RTL9: variants seen among roughly 807,000 people sequenced by gnomAD.
RTL9 encodes the protein retrotransposon Gag like 9, also known as retrotransposon Gag-like protein 9.
RTL9 carries 19 observed loss-of-function variants against 44.7 expected under a neutral mutation model. The observed-to-expected ratio is 0.42, with a 90% CI of 0.30 to 0.62. RTL9 has a LOEUF of 0.62. RTL9 is among the 20% of genes least tolerant of loss of function. The pLI, the probability that RTL9 is intolerant of heterozygous loss-of-function variation, is 0.16. For synonymous variants in RTL9, 407 were observed against 398.9 expected, an observed-to-expected ratio of 1.02 and a Z score of -0.24; for missense variants, 1,105 against 1,080.6, an observed-to-expected ratio of 1.02 and a Z score of -0.32.
rs751310287 is a variant in RTL9 at position 110,451,616 on chromosome X, G to A, written c.999G>A (p.Met333Ile). The change falls in exon 1 of 2, where the codon ATG (methionine) becomes ATA (isoleucine). Residue 333 changes from methionine to isoleucine, a missense_variant. By Grantham distance (10) the Met-to-Ile change is conservative (BLOSUM62 1). Coordinates refer to ENST00000540313, the Ensembl canonical transcript of RTL9. ...TGTCAGTCCCAGATGCTGGAGAAAT[G>A]TCCACATTACCAAAGCCAGCTCCAG... is the stretch of plus-strand genomic sequence containing the variant. The A allele has an allele frequency of 3.9e-5, 47 of 1,209,945 alleles. No homozygotes were observed. Among genetic ancestry groups the A allele is most frequent in the Non-Finnish European group, 4.6e-5 (41 of 895,210 alleles).
exon 1 of RTL9, chrX:110,451,969 C>A (rs1174192630): frequency 1.7e-6 from 2 of 1,210,304 alleles, no homozygotes; most frequent in Non-Finnish European, 2.2e-6. Context: ...GGAGTGATGT[C>A]CACAGAGCAA....
At chrX:110,378,669 C>A (rs2068396300) in intron 1 of RTL9, among the ~76,000 whole-genome samples, 1 of 111,991 alleles carries the variant, frequency 8.9e-6, no homozygotes, top group African/African-American at 3.3e-5. Context: ...TTTCTTTCAC[C>A]TGGAATTAAC....
At chrX:110,413,920 C>T (rs181313305) in intron 1 of RTL9, among the ~76,000 whole-genome samples, 5 of 111,933 alleles carry the variant, frequency 4.5e-5, no homozygotes, top group African/African-American at 1.6e-4. Context: ...GTTATCCTCA[C>T]AATAACTTTA....
chrX:110,372,823 A>T (rs1415934414), intron 1 of RTL9, among the ~76,000 whole-genome samples: 2 of 111,449 alleles, frequency 1.8e-5, no homozygotes, highest in East Asian at 5.6e-4. Context: ...ACATTTCACC[A>T]CTCACAGGAA....
At chrX:110,413,829 T>A (rs1321115107) in intron 1 of RTL9, among the ~76,000 whole-genome samples, 1 of 111,601 alleles carries the variant, frequency 9.0e-6, no homozygotes, top group Non-Finnish European at 1.9e-5. Context: ...AACATGATGA[T>A]GATGATGATA....
At chrX:110,391,231 G>T (rs1390575429) in intron 1 of RTL9, among the ~76,000 whole-genome samples, 1 of 111,320 alleles carries the variant, frequency 9.0e-6, no homozygotes, top group Non-Finnish European at 1.9e-5. Flanking sequence ...CTGAGGCTGT[G>T]AATGTCCACC....
intron 1 of RTL9, among the ~76,000 whole-genome samples, chrX:110,440,600 G>A (rs963134935): frequency 1.8e-5 from 2 of 111,999 alleles, no homozygotes; most frequent in African/African-American, 6.5e-5. Context: ...TAAGGATGCT[G>A]TTTTCATGCC....
chrX:110,446,570 G>A (rs887638220), upstream of RTL9, among the ~76,000 whole-genome samples: 4 of 111,177 alleles, frequency 3.6e-5, no homozygotes, highest in Non-Finnish European at 5.7e-5. Context: ...ATAGACCAAT[G>A]AGAAAATACA....
intron 1 of RTL9, among the ~76,000 whole-genome samples, chrX:110,399,246 C>G (rs2068548539): frequency 8.9e-6 from 1 of 112,620 alleles, no homozygotes; most frequent in Non-Finnish European, 1.9e-5. Context: ...AACAACCCTT[C>G]AAGGTAGGCA....
At chrX:110,402,043 G>A (rs1381129542) in intron 1 of RTL9, among the ~76,000 whole-genome samples, 2 of 111,603 alleles carry the variant, frequency 1.8e-5, no homozygotes, top group Non-Finnish European at 3.8e-5. Context: ...CCACCAGTAC[G>A]CTCAACCTTT....
chrX:110,452,611 G>C (rs1454469169), exon 1 of RTL9: 1 of 1,209,399 alleles, frequency 8.3e-7, no homozygotes, highest in Admixed American at 2.2e-5. Flanking sequence ...GCCTCTGGAG[G>C]GTTGTCTGCA....
chrX:110,454,760 A>G (rs1259522874), intron 1 of RTL9, 96 bp downstream of exon 3: 2 of 767,200 alleles, frequency 2.6e-6, no homozygotes, highest in East Asian at 3.5e-5. Context: ...AATTGGGAAG[A>G]GGCAAGGGGG....
In RTL9 at chrX:110,403,089, C is replaced by A. The variant is rs1005387368; in HGVS notation, c.-167-42064C>A. Among the ~76,000 whole-genome samples, 70 of 111,179 alleles carry A rather than the reference C, an allele frequency of 6.3e-4. 1 individual carries two copies. Among genetic ancestry groups the A allele is most frequent in the African/African-American group, 2.3e-3 (70 of 30,434 alleles). On this transcript the variant is annotated intron_variant, in intron 1 of 2. Transcript: ENST00000520821. ...TTTATCACTTGCTAGGCAGGCCCTGCCATCCTTGGGAGTAGGTATGAGAGA... is the reference window on the plus strand; with the variant it reads ...TTTATCACTTGCTAGGCAGGCCCTGACATCCTTGGGAGTAGGTATGAGAGA...
exon 1 of RTL9, chrX:110,451,511 C>G (rs1177841523): frequency 8.3e-7 from 1 of 1,212,033 alleles, no homozygotes; most frequent in African/African-American, 1.7e-5. Context: ...CTACCCCGCT[C>G]ATGTCAGATC....
At chrX:110,392,311 C>CT (rs2068500176) in intron 1 of RTL9, among the ~76,000 whole-genome samples, 2 of 96,745 alleles carry the variant, frequency 2.1e-5, no homozygotes, top group African/African-American at 7.8e-5. Context: ...AGGTCTCACT[C>CT]TATCACCCAG....
chrX:110,416,499 CG>C (rs1569425343), upstream of RTL9, among the ~76,000 whole-genome samples: 1 of 110,591 alleles, frequency 9.0e-6, no homozygotes, highest in Non-Finnish European at 1.9e-5. Context: ...ATCACTTGCC[CG>C]GGGTCACTCA....
chrX:110,411,753 A>G lies in RTL9; in HGVS notation c.-167-33400A>G, dbSNP rs150133752. On this transcript the variant is annotated intron_variant, in intron 1 of 2. Coordinates refer to the RTL9 transcript ENST00000520821. ...CCACCAGCTCCAGTGTAAGAAGTGCATTATTTTCTTTACAGCACTTACCAT... is the reference window on the plus strand; with the variant it reads ...CCACCAGCTCCAGTGTAAGAAGTGCGTTATTTTCTTTACAGCACTTACCAT... Among the ~76,000 whole-genome samples the G allele has an allele frequency of 1.2e-3, 133 of 112,548 alleles. 2 individuals are homozygous for G. In the East Asian group the frequency reaches 0.034, roughly 29 times the overall value.
chrX:110,402,837 G>C (rs1191279795), intron 1 of RTL9, among the ~76,000 whole-genome samples: 1 of 112,135 alleles, frequency 8.9e-6, no homozygotes. Context: ...CCTGAAAGGG[G>C]GGTGTCTCCT....
At chrX:110,383,898 A>T (rs1299224905) in intron 1 of RTL9, among the ~76,000 whole-genome samples, 2 of 112,055 alleles carry the variant, frequency 1.8e-5, no homozygotes, top group African/African-American at 3.2e-5. Context: ...TTACTCTGCC[A>T]CTTATAAGCT....
Sources: gnomAD v4.1 joint callset for allele counts (sites outside exome capture counted in the v4.1 genomes callset) on GRCh38, gnomAD v4.1.1 for gene constraint, MANE v1.5 for transcripts, NCBI Gene and HGNC (gene_info 2026-07-23, HGNC 2026-07-21) for gene names.